CARM1: variants seen among roughly 807,000 people sequenced by gnomAD.
The protein encoded by CARM1 is coactivator associated arginine methyltransferase 1.
Under a neutral mutation model 72.7 loss-of-function variants are expected in CARM1, and 14 were observed. The ratio of observed to expected loss-of-function variants is 0.19; its 90% CI spans 0.13 to 0.30. The LOEUF (loss-of-function observed/expected upper bound fraction) is 0.30, where lower values mean the gene tolerates loss of function less well. CARM1 is among the 10% of genes least tolerant of loss of function. CARM1 has a pLI of 1.00. For missense variants in CARM1, 432 were observed against 833.7 expected (o/e 0.52, Z 5.93); for synonymous variants, 333 against 345.5 (o/e 0.96, Z 0.40).
intron 2 of CARM1, 51 bp from the exon 3 acceptor site, chr19:10,907,988 C>A: frequency 2.6e-6 from 3 of 1,144,698 alleles, no homozygotes; most frequent in African/African-American, 1.5e-5. Context: ...CCCAGATGGC[C>A]ACATGCTGGG....
At chr19:10,882,201 G>C (rs747989632) in intron 1 of CARM1, among the ~76,000 whole-genome samples, 1 of 152,170 alleles carries the variant, frequency 6.6e-6, no homozygotes, top group Non-Finnish European at 1.5e-5. Flanking sequence ...TTAAAATAGC[G>C]TCTGGCACTG....
chr19:10,914,331 G>A (rs1267112283), intron 6 of CARM1, among the ~76,000 whole-genome samples: 2 of 152,224 alleles, frequency 1.3e-5, no homozygotes, highest in Non-Finnish European at 2.9e-5. Context: ...CTGCTCCTGC[G>A]GGACAGCCTC....
chr19:10,899,011 A>AGAGAG (rs1048561640), intron 1 of CARM1, among the ~76,000 whole-genome samples: 1 of 150,146 alleles, frequency 6.7e-6, no homozygotes, highest in Non-Finnish European at 1.5e-5. Flanking sequence ...TCCTGAACAA[A>AGAGAG]GAGAGGAACA....
chr19:10,880,330 G>C (rs1433527550), intron 1 of CARM1, among the ~76,000 whole-genome samples: 1 of 152,022 alleles, frequency 6.6e-6, no homozygotes, highest in Non-Finnish European at 1.5e-5. Flanking sequence ...AGTTCCATCA[G>C]CTCAGAGCTA....
At chr19:10,905,277 C>A (rs966932206) in intron 2 of CARM1, among the ~76,000 whole-genome samples, 4 of 152,268 alleles carry the variant, frequency 2.6e-5, no homozygotes, top group Non-Finnish European at 5.9e-5. Context: ...CCCTCCCTCA[C>A]CGGCTCCTCC....
intron 1 of CARM1, among the ~76,000 whole-genome samples, chr19:10,900,226 G>A (rs549810833): frequency 1.3e-5 from 2 of 152,256 alleles, no homozygotes; most frequent in East Asian, 3.9e-4. Flanking sequence ...GTGGGAGGAT[G>A]TCTTGAGCCT....
At chr19:10,874,378 T>G (rs1452811205) in intron 1 of CARM1, among the ~76,000 whole-genome samples, 2 of 151,910 alleles carry the variant, frequency 1.3e-5, no homozygotes, top group Non-Finnish European at 2.9e-5. Context: ...TTCTTTCTTT[T>G]TTATTTTTTT....
At chr19:10,897,637 C>T (rs933762418) in intron 1 of CARM1, among the ~76,000 whole-genome samples, 6 of 152,174 alleles carry the variant, frequency 3.9e-5, no homozygotes, top group South Asian at 2.1e-4. Flanking sequence ...TTACGTTCCC[C>T]GTTGGAGACT....
In CARM1 at chr19:10,921,164, A is replaced by G. The variant is rs113623218; in HGVS notation, c.1615+37A>G. 8,371 of 1,595,394 alleles carry G rather than the reference A, an allele frequency of 5.2e-3. 421 individuals carry two copies. In the African/African-American group the frequency reaches 0.1, roughly 19 times the overall value. On this transcript the variant is annotated intron_variant, in intron 14 of 15. Coordinates refer to ENST00000327064, the MANE Select transcript of CARM1 (RefSeq NM_199141.2). ...CCAGGGCCAGGGGCAGCAGGGAGCCATGCCCAGGACTGCCCAGGGGCCGGG... is the reference window on the plus strand; with the variant it reads ...CCAGGGCCAGGGGCAGCAGGGAGCCGTGCCCAGGACTGCCCAGGGGCCGGG...
At position 10,896,055 on chromosome 19, in the gene CARM1, C is replaced by T. The variant is rs2074021799; in HGVS notation, c.221-8896C>T. On this transcript the variant is annotated intron_variant, in intron 1 of 15. Transcript: ENST00000327064. This position sits in a 1 kb window ranked among gnomAD's most constrained non-coding sequence, Gnocchi z 5.2. ...GCAGACATTGGCAGGGGGCTGGTTC[C>T]GGAAGGTGCTGGGGAACCGTGGGGC... Among the ~76,000 whole-genome samples the T allele has an allele frequency of 6.6e-6, 1 of 152,126 alleles. No homozygotes were observed. Among genetic ancestry groups the T allele is most frequent in the Non-Finnish European group, 1.5e-5 (1 of 67,976 alleles).
chr19:10,873,623 A>AG (rs2073837370), intron 1 of CARM1, among the ~76,000 whole-genome samples: 1 of 52,260 alleles, frequency 1.9e-5, no homozygotes, highest in African/African-American at 7.4e-5. Context: ...ATTTTAGTTT[A>AG]GTTTTTTTTT....
At chr19:10,875,048 C>T (rs1013111105) in intron 1 of CARM1, among the ~76,000 whole-genome samples, 3 of 151,352 alleles carry the variant, frequency 2.0e-5, no homozygotes, top group African/African-American at 7.3e-5. Context: ...AGCATGGGTT[C>T]TGGAGTTGGA....
Position 10,921,381 on chromosome 19 carries a change from C to G in CARM1, c.1622C>G (p.Thr541Arg). 6.2e-7 allele frequency: 1 copy of G among 1,610,040 alleles called. No homozygotes were observed. Among genetic ancestry groups the G allele is most frequent in the South Asian group, 1.1e-5 (1 of 90,616 alleles). ...CCTCCCTCTCGCTGCGCAGCCAACACGGGGATTGTCAATCACACCCACTCC... is the reference window on the plus strand; with the variant it reads ...CCTCCCTCTCGCTGCGCAGCCAACAGGGGGATTGTCAATCACACCCACTCC... ...GHNNLIPLAN[T>R]GIVNHTHSRM... Residue 541 changes from threonine (T) to arginine (R), a missense_variant, in exon 15 of 16, where the codon ACG (threonine) becomes AGG (arginine). Around this residue, in one of 3 missense-constraint regions of CARM1, gnomAD observed 142 missense variants for 188.7 expected, o/e 0.75. Coordinates refer to ENST00000327064, the MANE Select transcript of CARM1 (RefSeq NM_199141.2).
At position 10,914,057 on chromosome 19, in the gene CARM1, G is replaced by A; in HGVS notation, c.847+3G>A. 2 of 1,609,852 alleles carry A rather than the reference G, an allele frequency of 1.2e-6. No homozygotes were observed. The highest frequency in any genetic ancestry group is 1.7e-6 in the Non-Finnish European group (2 of 1,178,370). ...CAAGAAGTACCTGAAGCCCAGCGGT[G>A]AGCACTGGGGGGTACACAGGCCAGG... On this transcript the variant is annotated splice_donor_region_variant and intron_variant, in intron 6 of 15. Coordinates refer to ENST00000327064, the MANE Select transcript of CARM1 (RefSeq NM_199141.2).
In CARM1 at chr19:10,919,624, C is replaced by G. The variant is rs147074295; in HGVS notation, c.1050C>G (p.Ala350=). Residue 350 remains alanine, a synonymous_variant, in exon 9 of 16, where the codon GCC becomes GCG. Transcript: ENST00000327064. ...CATTTGACATCCGGATCCTGATGGC[C>G]AAGTCTGTCAAGTACACGGTGAACT... ...VDTFDIRILM[A]KSVKYTVNFL... 1.1e-5 allele frequency: 18 copies of G among 1,613,926 alleles called. No homozygotes were observed. In the African/African-American group the frequency reaches 2.4e-4, roughly 22 times the overall value.
chr19:10,879,654 C>T (rs1414791123), intron 1 of CARM1, among the ~76,000 whole-genome samples: 3 of 152,050 alleles, frequency 2.0e-5, no homozygotes, highest in Admixed American at 6.6e-5. Flanking sequence ...GCCCTGTCAC[C>T]CAGGCTGGAG....
chr19:10,881,650 G>T (rs539012598), intron 1 of CARM1, among the ~76,000 whole-genome samples: 2 of 151,928 alleles, frequency 1.3e-5, no homozygotes, highest in East Asian at 3.9e-4. Flanking sequence ...GGCAGGTCTT[G>T]GGGGAGGTGA....
At chr19:10,875,579 C>T (rs1033259412) in intron 1 of CARM1, among the ~76,000 whole-genome samples, 3 of 152,102 alleles carry the variant, frequency 2.0e-5, no homozygotes, top group African/African-American at 7.2e-5. Flanking sequence ...CGCCCGCCAC[C>T]ACGCCCGGCT....
rs375169379 is a variant in CARM1 at position 10,883,988 on chromosome 19, G to A, written c.220+12066G>A. On this transcript the variant is annotated intron_variant, in intron 1 of 15. Transcript: ENST00000327064. ...AGCCAAGATCATGCCACTGCACTCC[G>A]GCCTGGGTGACAGAGCGAGACTCTG... Among the ~76,000 whole-genome samples, 88 of 147,268 alleles carry A rather than the reference G, an allele frequency of 6.0e-4. No homozygotes were observed. The East Asian group carries it at 9.7e-3, about 16-fold the overall frequency.
Sources: allele counts gnomAD v4.1 joint callset (sites outside exome capture counted in the v4.1 genomes callset), GRCh38; gene constraint gnomAD v4.1.1; regional missense constraint gnomAD v4.1.1; non-coding constraint Gnocchi (gnomAD v3.1); transcripts MANE v1.5; gene names NCBI Gene and HGNC (gene_info 2026-07-23, HGNC 2026-07-21).